Variants in SEPTIN9 observed in about 807,000 individuals in gnomAD.
SEPTIN9 encodes the protein septin 9.
A neutral mutation model predicts 56.6 loss-of-function variants in SEPTIN9; 13 were observed. That is an observed-to-expected ratio of 0.23 (90% CI 0.15 to 0.37). The LOEUF (loss-of-function observed/expected upper bound fraction) is 0.37. Ranked by LOEUF, SEPTIN9 falls within the 10% of genes least tolerant of loss-of-function variation. SEPTIN9 has a pLI of 1.00. For synonymous variants in SEPTIN9, 332 were observed against 334.1 expected, an observed-to-expected ratio of 0.99 and a Z score of 0.07; for missense variants, 650 against 823.1, an observed-to-expected ratio of 0.79 and a Z score of 2.57.
Position 77,476,490 on chromosome 17 carries a change from G to C in SEPTIN9, c.722-5654G>C, listed in dbSNP as rs2039219747. Among the ~76,000 whole-genome samples, 1 of 152,220 alleles carries C rather than the reference G, an allele frequency of 6.6e-6. No homozygotes were observed. Among genetic ancestry groups the C allele is most frequent in the Non-Finnish European group, 1.5e-5 (1 of 68,038 alleles). ...ATGTTCCCAGAGGGTGCTGGCTCAG[G>C]GCTGCGTGGATTACAGCCCTTTCAT... On this transcript the variant is annotated intron_variant, in intron 3 of 11. Transcript: ENST00000427177. The surrounding 1 kb of genome is among the most constrained non-coding windows in gnomAD (Gnocchi z 6.0).
chr17:77,437,870 A>C lies in SEPTIN9; in HGVS notation c.721+35167A>C, dbSNP rs2037402146. Among the ~76,000 whole-genome samples the C allele has an allele frequency of 6.6e-6, 1 of 151,922 alleles. No homozygotes were observed. Among genetic ancestry groups the C allele is most frequent in the South Asian group, 2.1e-4 (1 of 4,828 alleles). On this transcript the variant is annotated intron_variant, in intron 3 of 11. Transcript: ENST00000427177. The surrounding 1 kb of genome is among the most constrained non-coding windows in gnomAD (Gnocchi z 5.3). Reference sequence around the variant, plus strand: ...CCTCCCGAAGCTTCTCCCTGGCCCCAGGCCAGAGGTGACAGTGGGGGCCCC... The same window carrying C: ...CCTCCCGAAGCTTCTCCCTGGCCCCCGGCCAGAGGTGACAGTGGGGGCCCC...
At chr17:77,410,023 G>A (rs1343090447) in intron 3 of SEPTIN9, among the ~76,000 whole-genome samples, 1 of 152,162 alleles carries the variant, frequency 6.6e-6, no homozygotes, top group Non-Finnish European at 1.5e-5. Context: ...CTTCCTCTCC[G>A]GGGTTTTCTG....
At chr17:77,282,964 C>T (rs1047800145) in intron 1 of SEPTIN9, among the ~76,000 whole-genome samples, 12 of 152,140 alleles carry the variant, frequency 7.9e-5, no homozygotes, top group African/African-American at 2.9e-4. Flanking sequence ...TGGGTCCAGA[C>T]AGTGGGGGTG....
At chr17:77,417,014 G>C (rs7222170) in intron 3 of SEPTIN9, among the ~76,000 whole-genome samples, 1 of 152,002 alleles carries the variant, frequency 6.6e-6, no homozygotes, top group African/African-American at 2.4e-5. Flanking sequence ...GATGCCTTTC[G>C]TGTGAAAAAC....
chr17:77,341,741 C>G (rs540911797), intron 2 of SEPTIN9, among the ~76,000 whole-genome samples: 90 of 147,696 alleles, frequency 6.1e-4, no homozygotes, highest in Non-Finnish European at 9.5e-4. Flanking sequence ...CACCACTGCA[C>G]TCCACTGCAC....
In SEPTIN9 at chr17:77,367,097, G is replaced by C. The variant is rs931409427; in HGVS notation, c.77-34962G>C. Among the ~76,000 whole-genome samples the C allele has an allele frequency of 6.6e-6, 1 of 152,206 alleles. No homozygotes were observed. Among genetic ancestry groups the C allele is most frequent in the East Asian group, 1.9e-4 (1 of 5,188 alleles). On this transcript the variant is annotated intron_variant, in intron 2 of 11. Coordinates refer to ENST00000427177, the MANE Select transcript of SEPTIN9 (RefSeq NM_001113491.2). The surrounding 1 kb of genome is among the most constrained non-coding windows in gnomAD (Gnocchi z 4.5). ...AAGCGGCCAGGCAGAGGGTGTGATG[G>C]GGTGTGGTAGCTGCACACCGGCTCA... is the stretch of plus-strand genomic sequence containing the variant.
chr17:77,390,577 G>A (rs1458743458), intron 2 of SEPTIN9, among the ~76,000 whole-genome samples: 21 of 145,578 alleles, frequency 1.4e-4, no homozygotes, highest in African/African-American at 4.3e-4. Context: ...TCAGCCTCCC[G>A]AGTAGCTGGG....
chr17:77,295,062 C>T (rs1038688081), intron 1 of SEPTIN9, among the ~76,000 whole-genome samples: 4 of 152,174 alleles, frequency 2.6e-5, no homozygotes, highest in Admixed American at 6.5e-5. Flanking sequence ...GGAGCCCCCA[C>T]GTGGCAGCAA....
chr17:77,389,075 C>G lies in SEPTIN9; in HGVS notation c.77-12984C>G, dbSNP rs1011461862. Among the ~76,000 whole-genome samples the G allele has an allele frequency of 6.6e-6, 1 of 152,144 alleles. No homozygotes were observed. The highest frequency in any genetic ancestry group is 1.5e-5 in the Non-Finnish European group (1 of 68,018). ...CACTGACCAACACGCTCCTCAGGGT[C>G]TCCAGGTCCGGGTCCTGGTCCCCGG... On this transcript the variant is annotated intron_variant, in intron 2 of 11. Transcript: ENST00000427177. The surrounding 1 kb of genome is among the most constrained non-coding windows in gnomAD (Gnocchi z 4.3).
At chr17:77,443,658 G>C (rs113945264) in intron 3 of SEPTIN9, among the ~76,000 whole-genome samples, 1 of 151,958 alleles carries the variant, frequency 6.6e-6, no homozygotes, top group African/African-American at 2.4e-5. Flanking sequence ...TTAGCTTGGC[G>C]TGGCGGCGCA....
Position 77,421,104 on chromosome 17 carries a change from G to T in SEPTIN9, c.721+18401G>T, listed in dbSNP as rs542058121. 6.6e-6 allele frequency among the ~76,000 whole-genome samples: 1 copy of T among 152,308 alleles called. No homozygotes were observed. The highest frequency in any genetic ancestry group is 1.5e-5 in the Non-Finnish European group (1 of 68,028). ...CCGTCGCTGACTCCCGGGCTACCTG[G>T]AGTGATAACACAGCCCAGTGTCTGG... On this transcript the variant is annotated intron_variant, in intron 3 of 11. Transcript: ENST00000427177. This position sits in a 1 kb window ranked among gnomAD's most constrained non-coding sequence, Gnocchi z 4.6.
intron 3 of SEPTIN9, among the ~76,000 whole-genome samples, chr17:77,413,317 A>G (rs1013435729): frequency 6.6e-6 from 1 of 152,174 alleles, no homozygotes; most frequent in Non-Finnish European, 1.5e-5. Context: ...TTAAAAACTT[A>G]AACTTTTTCC....
chr17:77,291,671 T>G (rs147294343), intron 1 of SEPTIN9, among the ~76,000 whole-genome samples: 1 of 152,122 alleles, frequency 6.6e-6, no homozygotes, highest in East Asian at 2.0e-4. Context: ...GACAGGGTCT[T>G]GTTTTGTTGT....
At position 77,451,860 on chromosome 17, in the gene SEPTIN9, T is replaced by C. The variant is rs970112761; in HGVS notation, c.722-30284T>C. On this transcript the variant is annotated intron_variant, in intron 3 of 11. Coordinates refer to ENST00000427177, the MANE Select transcript of SEPTIN9 (RefSeq NM_001113491.2). This position sits in a 1 kb window ranked among gnomAD's most constrained non-coding sequence, Gnocchi z 4.2. Reference sequence around the variant, plus strand: ...CGGAGCTTCTTGGAACATGTTTCCTTTTCGCAAGGGGTTTCCCTGGCTTCC... The same window carrying C: ...CGGAGCTTCTTGGAACATGTTTCCTCTTCGCAAGGGGTTTCCCTGGCTTCC... Among the ~76,000 whole-genome samples the C allele has an allele frequency of 5.9e-5, 9 of 152,348 alleles. No homozygotes were observed. The highest frequency in any genetic ancestry group is 3.9e-4 in the Admixed American group (6 of 15,306).
chr17:77,408,471 C>G (rs1042813617), intron 3 of SEPTIN9, among the ~76,000 whole-genome samples: 1 of 152,148 alleles, frequency 6.6e-6, no homozygotes, highest in Non-Finnish European at 1.5e-5. Context: ...TGATGGTGGG[C>G]GTGGCTCTTC....
chr17:77,384,594 CG>C (rs1399862800), intron 2 of SEPTIN9, among the ~76,000 whole-genome samples: 3 of 151,932 alleles, frequency 2.0e-5, no homozygotes, highest in Admixed American at 1.3e-4. Flanking sequence ...AGAAACACTC[CG>C]GGGTGCCCAG....
Position 77,421,133 on chromosome 17 carries a change from C to T in SEPTIN9, c.721+18430C>T, listed in dbSNP as rs1253895371. Among the ~76,000 whole-genome samples the T allele has an allele frequency of 6.6e-6, 1 of 152,194 alleles. No individual in the cohort carries two copies. The highest frequency in any genetic ancestry group is 1.5e-5 in the Non-Finnish European group (1 of 68,046). ...GATAACACAGCCCAGTGTCTGGGCC[C>T]CTGCCTGAGACTTTGGCTGGATGCC... On this transcript the variant is annotated intron_variant, in intron 3 of 11. Transcript: ENST00000427177. This position sits in a 1 kb window ranked among gnomAD's most constrained non-coding sequence, Gnocchi z 4.6.
At chr17:77,397,260 G>T (rs1010812155) in intron 2 of SEPTIN9, among the ~76,000 whole-genome samples, 1 of 152,136 alleles carries the variant, frequency 6.6e-6, no homozygotes, top group Non-Finnish European at 1.5e-5. Flanking sequence ...TCCAGCTTGC[G>T]TTGGCCCAGG....
At position 77,475,473 on chromosome 17, in the gene SEPTIN9, G is replaced by T. The variant is rs764275269; in HGVS notation, c.722-6671G>T. 5 of 1,577,082 alleles carry T rather than the reference G, an allele frequency of 3.2e-6. No individual in the cohort carries two copies. The highest frequency in any genetic ancestry group is 2.3e-4 in the Middle Eastern group (1 of 4,328). On this transcript the variant is annotated intron_variant, in intron 3 of 11. Transcript: ENST00000427177. The surrounding 1 kb of genome is among the most constrained non-coding windows in gnomAD (Gnocchi z 4.6). ...ACTCAGCTTTAAGAAGCCCCTTTGT[G>T]GGGGACAGGGAGCATCTGTTAGTTT...
Sources: allele counts gnomAD v4.1 joint callset (sites outside exome capture counted in the v4.1 genomes callset), GRCh38; gene constraint gnomAD v4.1.1; non-coding constraint Gnocchi (gnomAD v3.1); transcripts MANE v1.5; gene names NCBI Gene and HGNC (gene_info 2026-07-23, HGNC 2026-07-21).